CORO7: variants seen among roughly 807,000 people sequenced by gnomAD.
CORO7 encodes coronin-7.
CORO7 carries 107 observed loss-of-function variants against 126.6 expected under a neutral mutation model. The observed-to-expected ratio is 0.85, with a 90% CI of 0.72 to 0.99. The LOEUF (loss-of-function observed/expected upper bound fraction) is 0.99. CORO7 is among the 50% of genes least tolerant of loss of function. The probability of loss-of-function intolerance (pLI) is 0.00; values close to 1 mark genes in which losing one functional copy is unlikely to be tolerated. For missense variants in CORO7, 1,314 were observed against 1,255.8 expected, an observed-to-expected ratio of 1.05 and a Z score of -0.70; for synonymous variants, 603 against 536.8, an observed-to-expected ratio of 1.12 and a Z score of -1.70.
chr16:4,365,151 A>T, intron 10 of CORO7, 91 bp from the exon 11 acceptor site: 1 of 1,528,758 alleles, frequency 6.5e-7, no homozygotes, highest in African/African-American at 1.4e-5. Context: ...GTCCCCAAGG[A>T]CCTGAGCCAC....
In CORO7 at chr16:4,355,122, G is replaced by A; in HGVS notation, c.*36C>T. The A allele has an allele frequency of 6.7e-7, 1 of 1,484,776 alleles. No individual in the cohort carries two copies. Among genetic ancestry groups the A allele is most frequent in the Admixed American group, 2.4e-5 (1 of 42,200 alleles). The allele number at this position is 1,484,776 out of a possible 1,614,324, so 92.0% of individuals were successfully genotyped here. On this transcript the variant is annotated 3_prime_UTR_variant, in exon 28 of 28. Transcript: ENST00000251166. ...GCCGTGAGGTGTGCACTAGGAAGTG[G>A]CAGCACAGGTGAGGTGGAGGTGACG...
At chr16:4,409,381 C>T (rs1255468734) in intron 3 of CORO7, among the ~76,000 whole-genome samples, 2 of 152,216 alleles carry the variant, frequency 1.3e-5, no homozygotes, top group African/African-American at 4.8e-5. Context: ...CAAAGCAGGT[C>T]CCTGGGCAGG....
chr16:4,393,701 C>G (rs912504369), intron 7 of CORO7, among the ~76,000 whole-genome samples: 2 of 152,182 alleles, frequency 1.3e-5, no homozygotes, highest in African/African-American at 4.8e-5. Context: ...TATGATGGGC[C>G]TAGGTCTTTG....
intron 1 of CORO7, among the ~76,000 whole-genome samples, chr16:4,415,465 T>C (rs889183921): frequency 3.9e-5 from 6 of 152,132 alleles, no homozygotes; most frequent in Non-Finnish European, 8.8e-5. Flanking sequence ...AAACCTCCAA[T>C]GCTCTTGTTT....
chr16:4,363,254 G>A (rs1410486938), intron 14 of CORO7: 3 of 151,518 alleles, frequency 2.0e-5, no homozygotes, highest in Non-Finnish European at 2.9e-5. Flanking sequence ...ACATGGTGAA[G>A]CCTGACTCTA....
At chr16:4,388,322 A>G (rs1244698149) in intron 8 of CORO7, among the ~76,000 whole-genome samples, 1 of 152,090 alleles carries the variant, frequency 6.6e-6, no homozygotes, top group Non-Finnish European at 1.5e-5. Flanking sequence ...TAGGGCCACT[A>G]TGGCTCCTGG....
At chr16:4,410,566 A>G (rs2056166825) in intron 3 of CORO7, among the ~76,000 whole-genome samples, 1 of 152,186 alleles carries the variant, frequency 6.6e-6, no homozygotes, top group South Asian at 2.1e-4. Context: ...ACCTACTTCA[A>G]AGAGATCTGA....
intron 7 of CORO7, among the ~76,000 whole-genome samples, chr16:4,390,954 A>G (rs1489737466): frequency 2.0e-5 from 3 of 152,230 alleles, no homozygotes; most frequent in Non-Finnish European, 4.4e-5. Flanking sequence ...TGGAGCATTC[A>G]GCCCAGCCTT....
chr16:4,403,192 G>C (rs1040810431), intron 6 of CORO7, among the ~76,000 whole-genome samples: 4 of 152,140 alleles, frequency 2.6e-5, no homozygotes, highest in Non-Finnish European at 5.9e-5. Context: ...AGCAGCTCCA[G>C]CCACAGCTCA....
chr16:4,412,820 G>T lies in CORO7; in HGVS notation c.158-390C>A, dbSNP rs552109934. 8 of 275,716 alleles carry T rather than the reference G, an allele frequency of 2.9e-5. No individual in the cohort carries two copies. In the South Asian group the frequency reaches 5.4e-4, roughly 19 times the overall value. 17.1% of individuals were successfully genotyped at this position (275,716 alleles called of 1,614,324 possible). A position where few individuals can be genotyped will look rare whatever the true frequency, so the allele number is the denominator to read the frequency against. On this transcript the variant is annotated intron_variant, in intron 2 of 27. Transcript: ENST00000251166. Reference sequence around the variant, plus strand: ...AGAGGTCAGGGCCGACAGTACATGTGAGCCTTTGGGCACCGATCTGCCTGA... The same window carrying T: ...AGAGGTCAGGGCCGACAGTACATGTTAGCCTTTGGGCACCGATCTGCCTGA...
chr16:4,388,441 A>G, intron 8 of CORO7, 104 bp downstream of exon 8: 2 of 1,288,062 alleles, frequency 1.6e-6, no homozygotes, highest in Non-Finnish European at 1.1e-6. Context: ...ACAGGCCTGG[A>G]ACTGGCCCTC....
chr16:4,388,652 A>G, intron 7 of CORO7, 21 bp from the exon 8 acceptor site: 1 of 1,604,300 alleles, frequency 6.2e-7, no homozygotes, highest in Non-Finnish European at 8.5e-7. Flanking sequence ...CAAGAGGTGG[A>G]CCTGAGCCCC....
chr16:4,405,382 C>A, intron 6 of CORO7, 109 bp downstream of exon 6: 1 of 1,261,254 alleles, frequency 7.9e-7, no homozygotes, highest in Non-Finnish European at 1.1e-6. Flanking sequence ...ATCCTGACCT[C>A]AGTGCTCCAC....
chr16:4,357,810 C>T (rs1299242575), intron 25 of CORO7, 158 bp downstream of exon 25: 2 of 1,318,824 alleles, frequency 1.5e-6, no homozygotes, highest in South Asian at 1.6e-5. Context: ...ACGAGCCCTG[C>T]CCTCCACTGG....
chr16:4,361,299 C>T (rs2054171966), intron 17 of CORO7, 51 bp from the exon 18 acceptor site: 1 of 1,609,856 alleles, frequency 6.2e-7, no homozygotes, highest in Non-Finnish European at 8.5e-7. Flanking sequence ...GACCTCTGGG[C>T]TCCCCAGCCC....
intron 26 of CORO7, 63 bp downstream of exon 26, chr16:4,357,105 G>T: frequency 6.2e-7 from 1 of 1,600,272 alleles, no homozygotes; most frequent in Non-Finnish European, 8.5e-7. Context: ...AGAACTAAGG[G>T]GCCGTGGCCA....
At chr16:4,387,445 C>T (rs958081893) in intron 9 of CORO7, among the ~76,000 whole-genome samples, 1 of 152,124 alleles carries the variant, frequency 6.6e-6, no homozygotes, top group Non-Finnish European at 1.5e-5. Context: ...TGGGGACATA[C>T]CTCAGGATAG....
intron 9 of CORO7, among the ~76,000 whole-genome samples, chr16:4,380,463 A>G (rs2054917340): frequency 6.6e-6 from 1 of 152,224 alleles, no homozygotes; most frequent in Non-Finnish European, 1.5e-5. Flanking sequence ...ACACCCACCC[A>G]GCTGCCTGCC....
intron 7 of CORO7, among the ~76,000 whole-genome samples, chr16:4,394,526 C>T (rs1385831277): frequency 6.6e-6 from 1 of 152,192 alleles, no homozygotes; most frequent in Non-Finnish European, 1.5e-5. Context: ...CAGCGCCCCT[C>T]GCGCAGACCC....
Sources: allele counts gnomAD v4.1 joint callset (sites outside exome capture counted in the v4.1 genomes callset), GRCh38; gene constraint gnomAD v4.1.1; transcripts MANE v1.5; gene names NCBI Gene and HGNC (gene_info 2026-07-23, HGNC 2026-07-21).